Variants in DOCK5 observed in about 807,000 individuals in gnomAD.
The protein encoded by DOCK5 is dedicator of cytokinesis protein 5.
Under a neutral mutation model 251.8 loss-of-function variants are expected in DOCK5, and 142 were observed. The observed-to-expected ratio is 0.56, with a 90% CI of 0.49 to 0.65. The LOEUF is 0.65. DOCK5 is among the 30% of genes least tolerant of loss of function. The pLI is 0.00. For synonymous variants in DOCK5, 842 were observed against 835.5 expected (o/e 1.01, Z -0.13); for missense variants, 2,111 against 2,312.3 (o/e 0.91, Z 1.79).
At chr8:25,240,189 G>T (rs564575807) in intron 1 of DOCK5, among the ~76,000 whole-genome samples, 1 of 152,108 alleles carries the variant, frequency 6.6e-6, no homozygotes, top group African/African-American at 2.4e-5. Context: ...CAAGTCCATG[G>T]CTAGAGCTGA....
Position 25,401,078 on chromosome 8 carries a change from C to T in DOCK5, c.4926+12C>T, listed in dbSNP as rs1415709598. 1.2e-6 allele frequency: 2 copies of T among 1,613,136 alleles called. No homozygotes were observed. Among genetic ancestry groups the T allele is most frequent in the South Asian group, 2.2e-5 (2 of 90,944 alleles). On this transcript the variant is annotated intron_variant, in intron 47 of 51. Coordinates refer to ENST00000276440, the MANE Select transcript of DOCK5 (RefSeq NM_024940.8). ...GGGTTATAACACTGGTAAGCATGAT[C>T]TAAGTAGCCTTCACACCTTTTTCTA...
chr8:25,263,275 C>T (rs1412336409), intron 2 of DOCK5, among the ~76,000 whole-genome samples: 2 of 151,708 alleles, frequency 1.3e-5, no homozygotes, highest in South Asian at 2.1e-4. Context: ...TCTGAGGGCT[C>T]TCTTTATCAT....
In DOCK5 at chr8:25,337,717, C is replaced by T. The variant is rs190957373; in HGVS notation, c.2327+1344C>T. On this transcript the variant is annotated intron_variant, in intron 22 of 51. Coordinates refer to ENST00000276440, the MANE Select transcript of DOCK5 (RefSeq NM_024940.8). ...TCTCGTGCCTCAGCCTCCCGAGTAG[C>T]TGGGACTACAGGTGCATACCACCAT... Among the ~76,000 whole-genome samples, 488 of 151,682 alleles carry T rather than the reference C, an allele frequency of 3.2e-3. 9 individuals carry two copies. The highest frequency in any genetic ancestry group is 0.011 in the African/African-American group (467 of 41,316).
chr8:25,377,557 C>T, intron 38 of DOCK5, 133 bp downstream of exon 38: 1 of 1,187,696 alleles, frequency 8.4e-7, no homozygotes, highest in Non-Finnish European at 1.1e-6. Context: ...ACGAGACTGC[C>T]CCCGCTTCAG....
intron 21 of DOCK5, among the ~76,000 whole-genome samples, chr8:25,334,604 G>A (rs1805758118): frequency 6.6e-6 from 1 of 151,888 alleles, no homozygotes; most frequent in Non-Finnish European, 1.5e-5. Flanking sequence ...CTAGCTACTC[G>A]AGAGGCTTAG....
chr8:25,244,642 C>G (rs944756448), intron 2 of DOCK5, among the ~76,000 whole-genome samples: 1 of 152,108 alleles, frequency 6.6e-6, no homozygotes, highest in African/African-American at 2.4e-5. Flanking sequence ...AGATGGTCCG[C>G]GAGGACCCCG....
At position 25,382,909 on chromosome 8, in the gene DOCK5, C is replaced by G. The variant is rs887979546; in HGVS notation, c.4131+131C>G. 3.2e-5 allele frequency: 23 copies of G among 720,290 alleles called. No homozygotes were observed. The African/African-American group carries it at 3.6e-4, about 11-fold the overall frequency. 44.6% of individuals were successfully genotyped at this position (720,290 alleles called of 1,614,324 possible). A position where few individuals can be genotyped will look rare whatever the true frequency, so the allele number is the denominator to read the frequency against. On this transcript the variant is annotated intron_variant, in intron 40 of 51. Coordinates refer to ENST00000276440, the MANE Select transcript of DOCK5 (RefSeq NM_024940.8). Reference sequence around the variant, plus strand: ...GCTGTGGGAGGTAGGGGAGGGAAACCACTTCCTGAGCAGCCGGCCTCTTCA... The same window carrying G: ...GCTGTGGGAGGTAGGGGAGGGAAACGACTTCCTGAGCAGCCGGCCTCTTCA...
intron 17 of DOCK5, among the ~76,000 whole-genome samples, chr8:25,324,980 CCT>C: frequency 6.6e-6 from 1 of 152,008 alleles, no homozygotes; most frequent in South Asian, 2.1e-4. Flanking sequence ...ATGAACTCAT[CCT>C]TTTTTATGGC....
At chr8:25,408,707 C>T (rs1014776821) in intron 49 of DOCK5, 95 bp from the exon 50 acceptor site, 150 of 1,479,102 alleles carry the variant, frequency 1.0e-4, no homozygotes, top group Middle Eastern at 1.9e-4. Flanking sequence ...AAGTCCTTTT[C>T]CAAGTGTCTT....
chr8:25,383,769 T>C (rs1416617038), intron 40 of DOCK5, among the ~76,000 whole-genome samples: 3 of 152,062 alleles, frequency 2.0e-5, no homozygotes, highest in African/African-American at 7.2e-5. Flanking sequence ...GCAGGGGAAT[T>C]GCTTGAACCC....
chr8:25,372,550 C>T lies in DOCK5; in HGVS notation c.3525-9C>T. The T allele has an allele frequency of 1.3e-6, 2 of 1,563,776 alleles. No homozygotes were observed. Among genetic ancestry groups the T allele is most frequent in the Non-Finnish European group, 1.7e-6 (2 of 1,160,244 alleles). On this transcript the variant is annotated splice_polypyrimidine_tract_variant and intron_variant, in intron 34 of 51. Transcript: ENST00000276440. ...ACCTGGGCTTTTGTCTCTCCCTCCGCCCCTCCAGGCTCCTAGAACATTGCC... is the reference window on the plus strand; with the variant it reads ...ACCTGGGCTTTTGTCTCTCCCTCCGTCCCTCCAGGCTCCTAGAACATTGCC...
At chr8:25,215,017 A>T (rs1802204638) in intron 1 of DOCK5, among the ~76,000 whole-genome samples, 1 of 152,232 alleles carries the variant, frequency 6.6e-6, no homozygotes, top group African/African-American at 2.4e-5. Flanking sequence ...GCATCAGCAG[A>T]TGAGCCTTTT....
intron 27 of DOCK5, among the ~76,000 whole-genome samples, chr8:25,357,651 TACAGGTGTGAACCACCCC>T (rs1381126903): frequency 3.9e-5 from 6 of 152,152 alleles, no homozygotes; most frequent in Non-Finnish European, 8.8e-5. Context: ...GTGCTGGGAT[TACAGGTGTGAACCACCCC>T]ACCAGGCCTA....
Position 25,184,716 on chromosome 8 carries a change from G to A in DOCK5, c.-193G>A. 4.0e-6 allele frequency: 1 copy of A among 249,900 alleles called. No homozygotes were observed. Among genetic ancestry groups the A allele is most frequent in the Non-Finnish European group, 7.0e-6 (1 of 143,400 alleles). 15.5% of individuals were successfully genotyped at this position (249,900 alleles called of 1,614,324 possible). On this transcript the variant is annotated 5_prime_UTR_variant, in exon 1 of 52. Coordinates refer to ENST00000276440, the MANE Select transcript of DOCK5 (RefSeq NM_024940.8). ...TGCTGCGCTGCAGCCCGGCCCAGCA[G>A]GTGACCGCGGGCGGCGCGGGCACGG... is the stretch of plus-strand genomic sequence containing the variant.
chr8:25,188,986 A>G (rs1801504367), intron 1 of DOCK5, among the ~76,000 whole-genome samples: 2 of 150,238 alleles, frequency 1.3e-5, no homozygotes, highest in Admixed American at 1.3e-4. Context: ...ATAGCCCCAG[A>G]TTAGGTTGAC....
At chr8:25,252,905 C>A (rs185317116) in intron 2 of DOCK5, among the ~76,000 whole-genome samples, 1 of 152,262 alleles carries the variant, frequency 6.6e-6, no homozygotes, top group Admixed American at 6.5e-5. Flanking sequence ...AATCTTGGCT[C>A]ACTACAACCT....
intron 15 of DOCK5, among the ~76,000 whole-genome samples, chr8:25,320,045 C>T (rs1563200845): frequency 6.6e-6 from 1 of 152,200 alleles, no homozygotes; most frequent in Non-Finnish European, 1.5e-5. Context: ...GTGTATTACA[C>T]ATTCCAAAGT....
At chr8:25,273,440 TAAAAATACAA>T (rs1803964782) in intron 3 of DOCK5, among the ~76,000 whole-genome samples, 1 of 152,108 alleles carries the variant, frequency 6.6e-6, no homozygotes, top group Admixed American at 6.5e-5. Flanking sequence ...CTGTCTCTAC[TAAAAATACAA>T]AAATTAGCCG....
intron 40 of DOCK5, among the ~76,000 whole-genome samples, chr8:25,387,037 A>T (rs910904307): frequency 6.6e-6 from 1 of 152,142 alleles, no homozygotes; most frequent in Non-Finnish European, 1.5e-5. Context: ...GAGTGATATA[A>T]CCTCACTGCC....
Sources: allele counts gnomAD v4.1 joint callset (sites outside exome capture counted in the v4.1 genomes callset), GRCh38; gene constraint gnomAD v4.1.1; transcripts MANE v1.5; gene names NCBI Gene and HGNC (gene_info 2026-07-23, HGNC 2026-07-21).